Variants in OPTN observed in about 807,000 individuals in gnomAD.
OPTN encodes the protein optineurin, also known as E3-14.7K-interacting protein.
OPTN carries 54 observed loss-of-function variants against 70.4 expected under a neutral mutation model. That is an observed-to-expected ratio of 0.77 (90% CI 0.62 to 0.96). OPTN has a LOEUF of 0.96. OPTN is among the 40% of genes least tolerant of loss of function. The pLI, the probability that OPTN is intolerant of heterozygous loss-of-function variation, is 0.00. For synonymous variants in OPTN, 256 were observed against 248.5 expected (o/e 1.03, Z -0.28); for missense variants, 624 against 673.2 (o/e 0.93, Z 0.81).
intron 14 of OPTN, among the ~76,000 whole-genome samples, chr10:13,135,934 TC>T (rs1310927461): frequency 2.6e-5 from 4 of 152,146 alleles, no homozygotes; most frequent in African/African-American, 9.7e-5. Flanking sequence ...GCACCTGTAA[TC>T]CCAGTACATG....
intron 5 of OPTN, among the ~76,000 whole-genome samples, chr10:13,115,263 ATT>A (rs1833150505): frequency 9.4e-6 from 1 of 106,552 alleles, no homozygotes; most frequent in African/African-American, 3.8e-5. Flanking sequence ...TTATATCTAT[ATT>A]TATATAATGA....
At chr10:13,126,276 C>T (rs907462806) in intron 11 of OPTN, among the ~76,000 whole-genome samples, 8 of 146,260 alleles carry the variant, frequency 5.5e-5, no homozygotes, top group African/African-American at 1.3e-4. Flanking sequence ...TTAAGCACTT[C>T]GTATTTCTTT....
At chr10:13,107,659 G>A (rs1832897366) in intron 1 of OPTN, among the ~76,000 whole-genome samples, 1 of 152,028 alleles carries the variant, frequency 6.6e-6, no homozygotes, top group Non-Finnish European at 1.5e-5. Context: ...GGGATTAGAG[G>A]CGTGAGCCAC....
rs768738279 is a variant in OPTN at position 13,125,578 on chromosome 10, T to G, written c.1148+11T>G. 6.2e-7 allele frequency: 1 copy of G among 1,614,152 alleles called. No individual in the cohort carries two copies. The highest frequency in any genetic ancestry group is 2.2e-5 in the East Asian group (1 of 44,880). On this transcript the variant is annotated intron_variant, in intron 10 of 14. Transcript: ENST00000378747. ...AACAGAGGATGAAAAGTGAGTATGTTGAGTCAGAAGGGCAGCGACGGGGCA... is the reference window on the plus strand; with the variant it reads ...AACAGAGGATGAAAAGTGAGTATGTGGAGTCAGAAGGGCAGCGACGGGGCA...
chr10:13,128,502 CTTTTTTTTTTTTTTTTTTT>C (rs56147136), intron 12 of OPTN, among the ~76,000 whole-genome samples: 13 of 33,450 alleles, frequency 3.9e-4, no homozygotes, highest in Admixed American at 1.2e-3. Flanking sequence ...TCAAGCCTGC[CTTTTTTTTTTTTTTTTTTT>C]TTTTTTTTTT....
chr10:13,113,707 A>G (rs141538707), intron 5 of OPTN, among the ~76,000 whole-genome samples: 1 of 152,282 alleles, frequency 6.6e-6, no homozygotes, highest in East Asian at 1.9e-4. Context: ...GACAAGGATA[A>G]AATCCTCTGT....
intron 4 of OPTN, among the ~76,000 whole-genome samples, 172 bp from the exon 5 acceptor site, chr10:13,112,281 A>C (rs1294423976): frequency 6.7e-6 from 1 of 148,788 alleles, no homozygotes; most frequent in East Asian, 2.0e-4. Context: ...CTAATTATTA[A>C]ATTTTTTGTA....
intron 12 of OPTN, among the ~76,000 whole-genome samples, chr10:13,129,572 C>CG (rs34104948): frequency 0.28 from 42,423 of 151,998 alleles, 6,072 homozygotes; most frequent in Admixed American, 0.39. Context: ...ATGGTGGTCT[C>CG]GAACAGTTGA....
At chr10:13,106,746 C>T (rs1201330522) in intron 1 of OPTN, among the ~76,000 whole-genome samples, 1 of 152,180 alleles carries the variant, frequency 6.6e-6, no homozygotes, top group East Asian at 1.9e-4. Flanking sequence ...CACAGTGGTG[C>T]ATTTTGTTTT....
intron 3 of OPTN, chr10:13,109,663 A>T (rs549091964): frequency 8.2e-6 from 1 of 122,636 alleles, no homozygotes; most frequent in East Asian, 2.0e-4. Context: ...TGATCTCTAC[A>T]AAAAAATTAA....
chr10:13,134,105 G>A (rs1413118920), intron 14 of OPTN, among the ~76,000 whole-genome samples: 3 of 152,180 alleles, frequency 2.0e-5, no homozygotes, highest in Non-Finnish European at 4.4e-5. Context: ...CACTGTACCC[G>A]GCCTACAGCC....
rs768743113 is a variant in OPTN at position 13,136,760 on chromosome 10, A to T, written c.1628A>T (p.Asp543Val). ...YLVQRGAEDRDWRQQRNIPIH... is the reference protein window; with the variant it reads ...YLVQRGAEDRVWRQQRNIPIH... ...TTATTCCCAGGAGCTGAGGACAGGG[A>T]CTGGCGGCAACAGCGGAATATTCCG... The change falls in exon 15 of 15, where the codon GAC becomes GTC. Residue 543 changes from aspartate to valine, a missense_variant. Asp to Val is a radical substitution (Grantham distance 152). Coordinates refer to ENST00000378747, the MANE Select transcript of OPTN (RefSeq NM_001008212.2). 1.9e-6 allele frequency: 3 copies of T among 1,614,094 alleles called. No individual in the cohort carries two copies. Among genetic ancestry groups the T allele is most frequent in the Admixed American group, 1.7e-5 (1 of 60,014 alleles).
intron 5 of OPTN, among the ~76,000 whole-genome samples, chr10:13,112,928 C>G (rs1213957734): frequency 6.6e-6 from 1 of 151,954 alleles, no homozygotes; most frequent in Non-Finnish European, 1.5e-5. Context: ...AAAAAACCCA[C>G]ACGAACATGA....
chr10:13,135,930 G>A (rs1833688908), intron 14 of OPTN, among the ~76,000 whole-genome samples: 2 of 152,312 alleles, frequency 1.3e-5, no homozygotes, highest in East Asian at 3.9e-4. Context: ...CAATGCACCT[G>A]TAATCCCAGT....
chr10:13,112,714 T>C (rs1833035821), intron 5 of OPTN, 79 bp downstream of exon 5: 1 of 1,383,126 alleles, frequency 7.2e-7, no homozygotes, highest in African/African-American at 1.4e-5. Context: ...CCACTTTTTC[T>C]TGTCAACACA....
In OPTN at chr10:13,125,524, C is replaced by T. The variant is rs1183568046; in HGVS notation, c.1105C>T (p.Leu369=). ...GTTAGAGCTACAAGTGGAAAGCATG[C>T]TATCAGAAATCAAAATGGAACAGGC... The part of the protein sequence containing the change: ...KKLELQVESM[L]SEIKMEQAKT... Residue 369 remains leucine, a synonymous_variant, in exon 10 of 15, where the codon CTA becomes TTA. Transcript: ENST00000378747. 1 of 1,614,050 alleles carries T rather than the reference C, an allele frequency of 6.2e-7. No individual in the cohort carries two copies. Among genetic ancestry groups the T allele is most frequent in the Non-Finnish European group, 8.5e-7 (1 of 1,179,988 alleles).
rs532390235 is a variant in OPTN, at chr10:13,114,905, AT to A, written c.553-1356del. Among the ~76,000 whole-genome samples the A allele has an allele frequency of 4.9e-4, 53 of 107,826 alleles. 3 individuals are homozygous for A. The highest frequency in any genetic ancestry group is 1.9e-3 in the African/African-American group (51 of 26,544). The allele number at this position is 107,826 out of a possible 152,430, so 70.7% of individuals were successfully genotyped here. On this transcript the variant is annotated intron_variant, in intron 5 of 14. Coordinates refer to ENST00000378747, the MANE Select transcript of OPTN (RefSeq NM_001008212.2). ...TATATACACTTACATATGTATCTGTATTTTTTATAATAGATATATCTATATT... is the reference window on the plus strand; with the variant it reads ...TATATACACTTACATATGTATCTGTATTTTTATAATAGATATATCTATATT...
chr10:13,125,179 T>G (rs1045821506), intron 9 of OPTN, among the ~76,000 whole-genome samples: 2 of 152,222 alleles, frequency 1.3e-5, no homozygotes, highest in African/African-American at 4.8e-5. Flanking sequence ...TAAACAATTA[T>G]TCAAAGAGGA....
intron 8 of OPTN, among the ~76,000 whole-genome samples, chr10:13,123,395 T>G (rs1588446325): frequency 6.6e-6 from 1 of 152,240 alleles, no homozygotes; most frequent in Admixed American, 6.5e-5. Flanking sequence ...GAATGCCTAT[T>G]GTATGTCAGG....
Sources: gnomAD v4.1 joint callset for allele counts (sites outside exome capture counted in the v4.1 genomes callset) on GRCh38, gnomAD v4.1.1 for gene constraint, MANE v1.5 for transcripts, NCBI Gene and HGNC (gene_info 2026-07-23, HGNC 2026-07-21) for gene names.